TIAM2: variants seen among roughly 807,000 people sequenced by gnomAD.
The protein encoded by TIAM2 is TIAM Rac1 associated GEF 2.
TIAM2 carries 80 observed loss-of-function variants against 152.9 expected under a neutral mutation model. The observed-to-expected ratio is 0.52, with a 90% CI of 0.44 to 0.63. The LOEUF (loss-of-function observed/expected upper bound fraction) is 0.63. TIAM2 is among the 30% of genes least tolerant of loss of function. The pLI is 0.00. For missense variants in TIAM2, 1,965 were observed against 2,120.1 expected (o/e 0.93, Z 1.44); for synonymous variants, 804 against 838.0 (o/e 0.96, Z 0.70).
intron 1 of TIAM2, among the ~76,000 whole-genome samples, chr6:155,024,704 A>C (rs1038264805): frequency 2.6e-5 from 4 of 151,904 alleles, no homozygotes; most frequent in Non-Finnish European, 4.4e-5. Context: ...TATAAAAAGT[A>C]AATGAAATCA....
chr6:155,203,780 T>G (rs1781535830), intron 14 of TIAM2, among the ~76,000 whole-genome samples: 1 of 152,242 alleles, frequency 6.6e-6, no homozygotes, highest in African/African-American at 2.4e-5. Context: ...TGCTATATTT[T>G]TAATTGCTTT....
chr6:155,128,623 G>A (rs1234639684), intron 3 of TIAM2, among the ~76,000 whole-genome samples: 4 of 151,896 alleles, frequency 2.6e-5, no homozygotes, highest in Admixed American at 2.6e-4. Context: ...ACTTTGGGAG[G>A]CCGAGGCAAG....
At chr6:155,175,037 GA>G (rs1183639721) in intron 9 of TIAM2, among the ~76,000 whole-genome samples, 1 of 152,124 alleles carries the variant, frequency 6.6e-6, no homozygotes, top group African/African-American at 2.4e-5. Flanking sequence ...ATGAACCAGG[GA>G]AAAAAATGTG....
rs534367015 is a variant in TIAM2 at position 155,033,228 on chromosome 6, C to T, written c.-209+37736C>T. ...GCCCTGCCTGCGCGCTACTTAAATG[C>T]GGCCCAAAGATACTACTTTGGTGAT... is the stretch of plus-strand genomic sequence containing the variant. On this transcript the variant is annotated intron_variant, in intron 1 of 26. Coordinates refer to ENST00000682666, the MANE Select transcript of TIAM2 (RefSeq NM_012454.4). 7.9e-5 allele frequency among the ~76,000 whole-genome samples: 12 copies of T among 152,198 alleles called. 1 individual carries two copies. The South Asian group carries it at 1.9e-3, about 24-fold the overall frequency.
At chr6:154,999,785 T>C (rs1259889019) in intron 1 of TIAM2, among the ~76,000 whole-genome samples, 1 of 151,822 alleles carries the variant, frequency 6.6e-6, no homozygotes, top group Non-Finnish European at 1.5e-5. Context: ...TTCAAGCAAT[T>C]CTCCTGCCTC....
At chr6:155,196,341 G>A (rs1220277371) in intron 14 of TIAM2, among the ~76,000 whole-genome samples, 1 of 152,180 alleles carries the variant, frequency 6.6e-6, no homozygotes, top group Non-Finnish European at 1.5e-5. Context: ...TTTAACTTCT[G>A]TTCATGTTGA....
intron 14 of TIAM2, among the ~76,000 whole-genome samples, chr6:155,198,666 CAAAAAA>C (rs10626644): frequency 1.4e-4 from 10 of 70,358 alleles, no homozygotes; most frequent in Admixed American, 1.2e-3. Flanking sequence ...GAGCAAATCT[CAAAAAA>C]AAAAAAAAAA....
In TIAM2 at chr6:155,165,265, A is replaced by G. The variant is rs1780394947; in HGVS notation, c.2217A>G (p.Val739=). Residue 739 remains valine (V), a splice_region_variant and synonymous_variant, in exon 9 of 27, where the codon GTA becomes GTG. Coordinates refer to ENST00000682666, the MANE Select transcript of TIAM2 (RefSeq NM_012454.4). ...TTTTAAACTGTGTTTTACATTAGGT[A>G]TGTTCTAGAGATGACTCTGCTCTCC... ...ILSVSSFHAL[V]CSRDDSALRK... The G allele has an allele frequency of 6.2e-7, 1 of 1,606,158 alleles. No homozygotes were observed. Among genetic ancestry groups the G allele is most frequent in the Non-Finnish European group, 8.5e-7 (1 of 1,178,074 alleles).
intron 1 of TIAM2, chr6:155,013,820 CTGAG>C (rs201243586): frequency 1.3e-5 from 2 of 151,904 alleles, no homozygotes; most frequent in Non-Finnish European, 2.9e-5. Flanking sequence ...TTCCTAAGTG[CTGAG>C]TAAGTATAAT....
At chr6:155,068,354 T>C (rs1777752144) in intron 1 of TIAM2, among the ~76,000 whole-genome samples, 2 of 152,200 alleles carry the variant, frequency 1.3e-5, no homozygotes, top group Admixed American at 1.3e-4. Context: ...TTTATCAATC[T>C]CTATAGATGA....
At chr6:155,132,947 G>T (rs2115042242) in intron 4 of TIAM2, among the ~76,000 whole-genome samples, 1 of 152,292 alleles carries the variant, frequency 6.6e-6, no homozygotes, top group African/African-American at 2.4e-5. Flanking sequence ...ATCCCTCCTT[G>T]CCTCTCCTGT....
intron 2 of TIAM2, among the ~76,000 whole-genome samples, chr6:155,096,935 C>T (rs1053314445): frequency 2.1e-4 from 32 of 152,190 alleles, no homozygotes; most frequent in Non-Finnish European, 4.4e-4. Context: ...AAACCGTTCT[C>T]CATAGTGATT....
In TIAM2 at chr6:155,186,753, C is replaced by G. The variant is rs940573069; in HGVS notation, c.3064+3253C>G. ...TGCAATGAATTAGAAAACAGTAATCCCATTTTTTAACTAAAAAAGTTAAAA... is the reference window on the plus strand; with the variant it reads ...TGCAATGAATTAGAAAACAGTAATCGCATTTTTTAACTAAAAAAGTTAAAA... On this transcript the variant is annotated intron_variant, in intron 14 of 26. Coordinates refer to ENST00000682666, the MANE Select transcript of TIAM2 (RefSeq NM_012454.4). The surrounding 1 kb of genome is among the most constrained non-coding windows in gnomAD (Gnocchi z 4.5). Among the ~76,000 whole-genome samples the G allele has an allele frequency of 5.3e-5, 8 of 151,974 alleles. No individual in the cohort carries two copies. Among genetic ancestry groups the G allele is most frequent in the Admixed American group, 4.6e-4 (7 of 15,256 alleles).
Position 155,174,963 on chromosome 6 carries a change from C to T in TIAM2, c.2362-1853C>T, listed in dbSNP as rs1437467188. ...AGAGGTGGGGCCTGCACCTTTAAGG[C>T]AGCATCTGTTTGTTGCTAAGCACCG... On this transcript the variant is annotated intron_variant, in intron 9 of 26. Transcript: ENST00000682666. The surrounding 1 kb of genome is among the most constrained non-coding windows in gnomAD (Gnocchi z 4.2). 6.6e-6 allele frequency among the ~76,000 whole-genome samples: 1 copy of T among 152,180 alleles called. No homozygotes were observed. Among genetic ancestry groups the T allele is most frequent in the East Asian group, 1.9e-4 (1 of 5,196 alleles).
intron 1 of TIAM2, among the ~76,000 whole-genome samples, chr6:155,064,580 T>C (rs1777649215): frequency 6.6e-6 from 1 of 152,196 alleles, no homozygotes. Flanking sequence ...ATTTTATGGC[T>C]GTGGCAGAGA....
intron 1 of TIAM2, among the ~76,000 whole-genome samples, chr6:155,031,252 C>A (rs1776815109): frequency 6.6e-6 from 1 of 152,168 alleles, no homozygotes; most frequent in Admixed American, 6.6e-5. Flanking sequence ...TACATATGTG[C>A]CTCTCTGTAT....
intron 14 of TIAM2, among the ~76,000 whole-genome samples, chr6:155,192,034 T>TTTC (rs774737352): frequency 4.9e-4 from 74 of 152,148 alleles, no homozygotes; most frequent in Non-Finnish European, 8.8e-4. Context: ...TTTCATGGAT[T>TTTC]ATGTGGGGGG....
At chr6:155,245,848 C>A in intron 19 of TIAM2, 117 bp downstream of exon 19, 1 of 617,876 alleles carries the variant, frequency 1.6e-6, no homozygotes, top group Non-Finnish European at 2.6e-6. Context: ...TATTAAGGTC[C>A]ATCCTTGACC....
intron 1 of TIAM2, among the ~76,000 whole-genome samples, chr6:155,027,389 CAT>C (rs1485036648): frequency 7.8e-6 from 1 of 128,582 alleles, no homozygotes; most frequent in East Asian, 2.1e-4. Flanking sequence ...TACTGTGTTA[CAT>C]ATATACTATA....
Sources: allele counts gnomAD v4.1 joint callset (sites outside exome capture counted in the v4.1 genomes callset), GRCh38; gene constraint gnomAD v4.1.1; non-coding constraint Gnocchi (gnomAD v3.1); transcripts MANE v1.5; gene names NCBI Gene and HGNC (gene_info 2026-07-23, HGNC 2026-07-21).